The following CNOT3 variants were observed in gnomAD, a reference collection of about 807,000 sequenced individuals.
CNOT3 encodes CCR4-associated factor 3.
CNOT3 carries 2 observed loss-of-function variants against 89.4 expected under a neutral mutation model. The ratio of observed to expected loss-of-function variants is 0.02; its 90% CI spans 0.01 to 0.07. The LOEUF (loss-of-function observed/expected upper bound fraction) is 0.07, where lower values mean the gene tolerates loss of function less well. Ranked by LOEUF, CNOT3 falls within the 10% of genes least tolerant of loss-of-function variation. The pLI, the probability that CNOT3 is intolerant of heterozygous loss-of-function variation, is 1.00. For missense variants in CNOT3, 664 were observed against 1,010.2 expected (o/e 0.66, Z 4.65); for synonymous variants, 486 against 402.0 (o/e 1.21, Z -2.50).
chr19:54,148,829 T>G lies in CNOT3; in HGVS notation c.1406+86T>G. 1 of 1,268,382 alleles carries G rather than the reference T, an allele frequency of 7.9e-7. No homozygotes were observed. Among genetic ancestry groups the G allele is most frequent in the East Asian group, 2.5e-5 (1 of 40,052 alleles). The allele number at this position is 1,268,382 out of a possible 1,614,324, so 78.6% of individuals were successfully genotyped here. A position where few individuals can be genotyped will look rare whatever the true frequency, so the allele number is the denominator to read the frequency against. On this transcript the variant is annotated intron_variant, in intron 12 of 17. Coordinates refer to ENST00000221232, the MANE Select transcript of CNOT3 (RefSeq NM_014516.4). The surrounding 1 kb of genome is among the most constrained non-coding windows in gnomAD (Gnocchi z 6.3). Reference sequence around the variant, plus strand: ...GCGCCTCACCCCCGCATCGGTGGGTTCTGAACCCCCCGCCCTTGCTGCTGG... The same window carrying G: ...GCGCCTCACCCCCGCATCGGTGGGTGCTGAACCCCCCGCCCTTGCTGCTGG...
In CNOT3 at chr19:54,149,584, A is replaced by T. The variant is rs1300081396; in HGVS notation, c.1431A>T (p.Pro477=). Residue 477 remains proline (P), a synonymous_variant, in exon 13 of 18, where the codon CCA becomes CCT. Coordinates refer to ENST00000221232, the MANE Select transcript of CNOT3 (RefSeq NM_014516.4). ...STSKEPSAAA[P]TGAGGVAPGS... is the part of the protein sequence containing the mutation. ...GGAAGGAACCCAGTGCGGCAGCCCC[A>T]ACGGGGGCTGGGGGCGTGGCCCCAG... The T allele has an allele frequency of 6.2e-7, 1 of 1,601,278 alleles. No homozygotes were observed. Among genetic ancestry groups the T allele is most frequent in the African/African-American group, 1.3e-5 (1 of 74,464 alleles).
chr19:54,147,633 C>T (rs1428712146), intron 10 of CNOT3, among the ~76,000 whole-genome samples: 3 of 152,200 alleles, frequency 2.0e-5, no homozygotes, highest in South Asian at 4.1e-4. Flanking sequence ...GGTAGGGATA[C>T]CATGAGCACA....
rs2074685440 is a variant in CNOT3, at chr19:54,146,615, T to A, written c.852T>A (p.Asp284Glu). The stretch of plus-strand genomic sequence containing the variant: ...CCCTACCTCAGGAAAACTCTGAAGA[T>A]GATAAGAAGAGGGGACGTTCCACAG... ...PANCTTENSE[D>E]DKKRGRSTDS... Residue 284 changes from aspartate (D) to glutamate (E), a missense_variant, in exon 10 of 18, where the codon GAT (aspartate) becomes GAA (glutamate). Physicochemically the swap from Asp to Glu is conservative, Grantham distance 45 (BLOSUM62 2). Coordinates refer to ENST00000221232, the MANE Select transcript of CNOT3 (RefSeq NM_014516.4). 6.5e-7 allele frequency: 1 copy of A among 1,548,344 alleles called. No homozygotes were observed. Among genetic ancestry groups the A allele is most frequent in the African/African-American group, 1.4e-5 (1 of 73,434 alleles).
rs375892749 is a variant in CNOT3, at chr19:54,153,213, C to T, written c.2037+214C>T. 873 of 764,230 alleles carry T rather than the reference C, an allele frequency of 1.1e-3. 2 individuals are homozygous for T. The highest frequency in any genetic ancestry group is 3.1e-3 in the South Asian group (233 of 74,358). 47.3% of individuals were successfully genotyped at this position (764,230 alleles called of 1,614,324 possible). On this transcript the variant is annotated intron_variant, in intron 16 of 17. Transcript: ENST00000221232. ...ATGTTAGAACTGCTTGGGTTGACAGCGAGGCTGGTCCACTGAGGCACACCT... is the reference window on the plus strand; with the variant it reads ...ATGTTAGAACTGCTTGGGTTGACAGTGAGGCTGGTCCACTGAGGCACACCT...
intron 1 of CNOT3, among the ~76,000 whole-genome samples, chr19:54,138,666 T>G (rs1217413858): frequency 1.3e-5 from 2 of 152,182 alleles, no homozygotes; most frequent in African/African-American, 4.8e-5. Context: ...GGGAGCCTCT[T>G]GGGAGAGGAG....
intron 10 of CNOT3, 82 bp downstream of exon 10, chr19:54,146,739 C>T: frequency 1.2e-6 from 1 of 823,202 alleles, no homozygotes; most frequent in Non-Finnish European, 2.2e-6. Context: ...TGAGCGCCGG[C>T]CACTGTGCTG....
rs767822171 is a variant in CNOT3 at position 54,148,369 on chromosome 19, C to G, written c.1116C>G (p.Ala372=). Residue 372 remains alanine (A), a synonymous_variant, in exon 11 of 18, where the codon GCC becomes GCG. Transcript: ENST00000221232. This position sits in a 1 kb window ranked among gnomAD's most constrained non-coding sequence, Gnocchi z 6.3. ...ACTCGGGCACCCCTGCTCCCTATGCCCAGGCTGTGGCCCCACCAGCTCCCA... is the reference window on the plus strand; with the variant it reads ...ACTCGGGCACCCCTGCTCCCTATGCGCAGGCTGTGGCCCCACCAGCTCCCA... ...SHNSGTPAPY[A]QAVAPPAPSG... is the part of the protein sequence containing the mutation. 2 of 1,571,600 alleles carry G rather than the reference C, an allele frequency of 1.3e-6. No individual in the cohort carries two copies. The highest frequency in any genetic ancestry group is 3.6e-5 in the Admixed American group (2 of 55,598).
At chr19:54,151,926 T>A (rs7248319) in intron 13 of CNOT3, among the ~76,000 whole-genome samples, 2 of 152,236 alleles carry the variant, frequency 1.3e-5, no homozygotes, top group African/African-American at 4.8e-5. Flanking sequence ...GTACATATTC[T>A]GCAGGTTGGC....
chr19:54,140,501 T>G (rs1167093651), intron 1 of CNOT3, among the ~76,000 whole-genome samples: 1 of 152,148 alleles, frequency 6.6e-6, no homozygotes, highest in Non-Finnish European at 1.5e-5. Flanking sequence ...GCTTCGAGAC[T>G]CAGGCTCCAG....
rs1391525358 is a variant in CNOT3, at chr19:54,145,289, G to T, written c.484-309G>T. 6.6e-6 allele frequency among the ~76,000 whole-genome samples: 1 copy of T among 152,164 alleles called. No individual in the cohort carries two copies. Among genetic ancestry groups the T allele is most frequent in the East Asian group, 1.9e-4 (1 of 5,200 alleles). The stretch of plus-strand genomic sequence containing the variant: ...TGAGAAATCTGGGCTGTCAGGTGAG[G>T]TGCAGATGGAGGCCAAGTCGTGGGA... On this transcript the variant is annotated intron_variant, in intron 7 of 17. Transcript: ENST00000221232. This position sits in a 1 kb window ranked among gnomAD's most constrained non-coding sequence, Gnocchi z 5.9.
rs1264844147 is a variant in CNOT3 at position 54,144,242 on chromosome 19, C to T, written c.393C>T (p.Thr131=). The T allele has an allele frequency of 1.2e-6, 2 of 1,613,958 alleles. 1 individual carries two copies. The highest frequency in any genetic ancestry group is 3.3e-5 in the Admixed American group (2 of 60,004). The part of the protein sequence containing the change: ...KEEVGQWLTN[T]IDTLNMQVDQ... ...TCTTCCTCTCCCTCCCCTAGAATAC[C>T]ATCGACACGCTCAACATGCAGGTGG... Residue 131 remains threonine (T), a synonymous_variant, in exon 7 of 18, where the codon ACC becomes ACT. Coordinates refer to ENST00000221232, the MANE Select transcript of CNOT3 (RefSeq NM_014516.4). This position sits in a 1 kb window ranked among gnomAD's most constrained non-coding sequence, Gnocchi z 4.8.
intron 17 of CNOT3, chr19:54,154,850 T>TC (rs11367389): frequency 0.53 from 81,897 of 155,942 alleles, 24,150 homozygotes; most frequent in African/African-American, 0.8. Context: ...CCACACCACT[T>TC]CGTCACCAAT....
In CNOT3 at chr19:54,152,315, G is replaced by A; in HGVS notation, c.1695G>A (p.Leu565=). The change falls in exon 14 of 18, where the codon CTG becomes CTA. Residue 565 remains leucine (L), a synonymous_variant. Coordinates refer to ENST00000221232, the MANE Select transcript of CNOT3 (RefSeq NM_014516.4). ...GIEDPVPTLH[L]TERDIILSST... Reference sequence around the variant, plus strand: ...AGGACCCTGTGCCAACGCTGCACCTGACCGAGCGAGGTGAGGGACCCAGGA... The same window carrying A: ...AGGACCCTGTGCCAACGCTGCACCTAACCGAGCGAGGTGAGGGACCCAGGA... 1 of 1,614,194 alleles carries A rather than the reference G, an allele frequency of 6.2e-7. No individual in the cohort carries two copies. Among genetic ancestry groups the A allele is most frequent in the Non-Finnish European group, 8.5e-7 (1 of 1,180,014 alleles).
chr19:54,155,292 C>A lies in CNOT3; in HGVS notation c.2164-17C>A, dbSNP rs778183066. 2 of 1,612,524 alleles carry A rather than the reference C, an allele frequency of 1.2e-6. No individual in the cohort carries two copies. Reference sequence around the variant, plus strand: ...CACCTCCTCGTCCACTCACTGACCGCCTTCTCCCCCGGCCAGGGCACCTAC... The same window carrying A: ...CACCTCCTCGTCCACTCACTGACCGACTTCTCCCCCGGCCAGGGCACCTAC... On this transcript the variant is annotated splice_polypyrimidine_tract_variant and intron_variant, in intron 17 of 17. Coordinates refer to ENST00000221232, the MANE Select transcript of CNOT3 (RefSeq NM_014516.4).
At chr19:54,143,619 T>G (rs377559903) in intron 4 of CNOT3, 41 bp from the exon 5 acceptor site, 34 of 1,609,804 alleles carry the variant, frequency 2.1e-5, no homozygotes, top group Non-Finnish European at 2.7e-5. Context: ...CCCCAGTTCC[T>G]GGGTCCTGAG....
intron 17 of CNOT3, 25 bp downstream of exon 17, chr19:54,153,865 C>T (rs1322193806): frequency 2.5e-6 from 4 of 1,614,076 alleles, no homozygotes; most frequent in Non-Finnish European, 3.4e-6. Context: ...CCCTCTCTTC[C>T]CGCTGCTAGG....
intron 1 of CNOT3, among the ~76,000 whole-genome samples, chr19:54,139,173 TCTC>T (rs2074348378): frequency 6.6e-6 from 1 of 152,124 alleles, no homozygotes; most frequent in Admixed American, 6.5e-5. Context: ...CGGGGTGAGC[TCTC>T]CTGTCCTTTT....
chr19:54,142,525 G>C, intron 1 of CNOT3: 1 of 276,032 alleles, frequency 3.6e-6, no homozygotes, highest in Non-Finnish European at 7.1e-6. Flanking sequence ...AGCCACCTCT[G>C]CCCAGCCCCT....
chr19:54,138,155 C>G lies in CNOT3; in HGVS notation c.-51+162C>G, dbSNP rs587657677. Among the ~76,000 whole-genome samples the G allele has an allele frequency of 5.0e-4, 76 of 151,990 alleles. 1 individual carries two copies. In the South Asian group the frequency reaches 0.016, roughly 31 times the overall value. On this transcript the variant is annotated intron_variant, in intron 1 of 17. Transcript: ENST00000221232. Reference sequence around the variant, plus strand: ...CGCCGCCTCTGCAGCGCGGGGCTCCCGGCGGGGGGCGGCTCCCTCCCTCTC... The same window carrying G: ...CGCCGCCTCTGCAGCGCGGGGCTCCGGGCGGGGGGCGGCTCCCTCCCTCTC...
Sources: gnomAD v4.1 joint callset for allele counts (sites outside exome capture counted in the v4.1 genomes callset) on GRCh38, gnomAD v4.1.1 for gene constraint, Gnocchi (gnomAD v3.1) non-coding constraint, MANE v1.5 for transcripts, NCBI Gene and HGNC (gene_info 2026-07-23, HGNC 2026-07-21) for gene names.